ODAD2: variants seen among roughly 807,000 people sequenced by gnomAD.
The protein encoded by ODAD2 is outer dynein arm-docking complex subunit 2.
In ODAD2, 89 loss-of-function variants were observed where a neutral mutation model predicts 106.8. The ratio of observed to expected loss-of-function variants is 0.83; its 90% CI spans 0.70 to 0.99. The LOEUF (loss-of-function observed/expected upper bound fraction) is 0.99. ODAD2 is among the 50% of genes least tolerant of loss of function. The pLI is 0.00. For missense variants in ODAD2, 1,168 were observed against 1,238.5 expected, an observed-to-expected ratio of 0.94 and a Z score of 0.85; for synonymous variants, 404 against 436.2, an observed-to-expected ratio of 0.93 and a Z score of 0.92.
intron 14 of ODAD2, among the ~76,000 whole-genome samples, chr10:27,938,012 C>T (rs1846113940): frequency 1.3e-5 from 2 of 152,142 alleles, no homozygotes; most frequent in Non-Finnish European, 1.5e-5. Flanking sequence ...GGCACAATCT[C>T]AGATCACTGC....
At chr10:27,844,872 G>A (rs1368994863) in intron 19 of ODAD2, among the ~76,000 whole-genome samples, 1 of 152,214 alleles carries the variant, frequency 6.6e-6, no homozygotes, top group Non-Finnish European at 1.5e-5. Context: ...GGTGGCGAAG[G>A]AGTTGGATTT....
intron 7 of ODAD2, among the ~76,000 whole-genome samples, chr10:27,973,369 G>A (rs1242239151): frequency 2.0e-5 from 3 of 152,100 alleles, no homozygotes; most frequent in Non-Finnish European, 4.4e-5. Flanking sequence ...AGGGGTACAT[G>A]TGCAGGCTTG....
At chr10:27,952,450 A>G (rs1847419372) in intron 10 of ODAD2, among the ~76,000 whole-genome samples, 1 of 151,534 alleles carries the variant, frequency 6.6e-6, no homozygotes. Flanking sequence ...CAGGTTTGTT[A>G]CATAGGTAAA....
chr10:27,863,886 A>G (rs192142577), intron 17 of ODAD2, among the ~76,000 whole-genome samples: 31 of 152,070 alleles, frequency 2.0e-4, no homozygotes, highest in East Asian at 1.6e-3. Flanking sequence ...AGAAAGTGAG[A>G]CTTAAGAGGT....
chr10:27,906,553 C>T (rs1031996071), intron 17 of ODAD2, among the ~76,000 whole-genome samples: 23 of 152,286 alleles, frequency 1.5e-4, no homozygotes, highest in Middle Eastern at 3.4e-3. Flanking sequence ...TATAAAGACA[C>T]ATGCACACGT....
chr10:27,950,449 A>C (rs1208817834), intron 10 of ODAD2, among the ~76,000 whole-genome samples: 1 of 152,222 alleles, frequency 6.6e-6, no homozygotes, highest in East Asian at 1.9e-4. Context: ...AGAAAGAGAG[A>C]ATACTGTTTC....
chr10:27,972,086 C>T (rs923468462), intron 7 of ODAD2, among the ~76,000 whole-genome samples: 42 of 152,094 alleles, frequency 2.8e-4, no homozygotes, highest in East Asian at 1.2e-3. Context: ...ATAGTAACAA[C>T]GTTTTGAGGG....
intron 14 of ODAD2, 21 bp from the exon 15 acceptor site, chr10:27,936,901 A>C: frequency 6.3e-7 from 1 of 1,578,344 alleles, no homozygotes. Flanking sequence ...AGTCAGACAG[A>C]GGCTGTCAGT....
At chr10:27,843,263 G>A (rs534958549) in intron 19 of ODAD2, among the ~76,000 whole-genome samples, 1 of 152,300 alleles carries the variant, frequency 6.6e-6, no homozygotes, top group South Asian at 2.1e-4. Flanking sequence ...CAACAAATCT[G>A]TGCATGAAAA....
At chr10:27,863,647 G>A (rs1249051215) in intron 17 of ODAD2, among the ~76,000 whole-genome samples, 2 of 152,142 alleles carry the variant, frequency 1.3e-5, no homozygotes, top group Non-Finnish European at 2.9e-5. Context: ...GCACTGGAGG[G>A]AGGAGGAGAT....
At chr10:27,834,396 A>T (rs972145023) in intron 19 of ODAD2, among the ~76,000 whole-genome samples, 1 of 152,158 alleles carries the variant, frequency 6.6e-6, no homozygotes, top group African/African-American at 2.4e-5. Context: ...TCCCTTACAT[A>T]GGGCAAGAAA....
intron 7 of ODAD2, among the ~76,000 whole-genome samples, chr10:27,979,498 C>A (rs867893163): frequency 5.3e-5 from 8 of 151,014 alleles, no homozygotes; most frequent in Middle Eastern, 3.4e-3. Context: ...AGTGAAGTTG[C>A]GAAATTCAAT....
chr10:27,822,439 C>T (rs1836687244), intron 19 of ODAD2, among the ~76,000 whole-genome samples: 2 of 152,168 alleles, frequency 1.3e-5, no homozygotes, highest in Non-Finnish European at 2.9e-5. Flanking sequence ...CTGATTTGAA[C>T]TGGGAACCCT....
Position 27,812,200 on chromosome 10 carries a change from C to A in ODAD2, c.*312G>T. On this transcript the variant is annotated 3_prime_UTR_variant, in exon 20 of 20. Coordinates refer to ENST00000305242, the MANE Select transcript of ODAD2 (RefSeq NM_018076.5). The stretch of plus-strand genomic sequence containing the variant: ...GGCCATATCCTTTTTATTAAAATCG[C>A]CACAAATACAAAAGCATCACTGAAC... The A allele has an allele frequency of 3.4e-6, 1 of 291,656 alleles. No individual in the cohort carries two copies. Among genetic ancestry groups the A allele is most frequent in the Non-Finnish European group, 6.3e-6 (1 of 159,566 alleles). 18.1% of individuals were successfully genotyped at this position (291,656 alleles called of 1,614,324 possible).
rs560995257 is a variant in ODAD2, at chr10:27,933,343, A to G, written c.2495+1667T>C. Among the ~76,000 whole-genome samples the G allele has an allele frequency of 2.0e-5, 3 of 152,348 alleles. No homozygotes were observed. In the South Asian group the frequency reaches 6.2e-4, roughly 32 times the overall value. ...GAAAGCAAAGAAGTTAAATGGGGCC[A>G]TAAGACAAAATGCTTTGAATAGCAA... On this transcript the variant is annotated intron_variant, in intron 16 of 19. Transcript: ENST00000305242.
At chr10:27,827,876 C>G (rs1388957702) in intron 19 of ODAD2, among the ~76,000 whole-genome samples, 1 of 152,210 alleles carries the variant, frequency 6.6e-6, no homozygotes, top group Non-Finnish European at 1.5e-5. Flanking sequence ...TTGTCCCCTT[C>G]TGTTCATCTT....
chr10:27,864,266 T>A (rs1197931358), intron 17 of ODAD2, among the ~76,000 whole-genome samples: 1 of 150,980 alleles, frequency 6.6e-6, no homozygotes, highest in Admixed American at 6.7e-5. Context: ...AGGGCTAATG[T>A]TGGAAGAGCT....
chr10:27,927,391 A>G (rs1845327171), intron 16 of ODAD2, among the ~76,000 whole-genome samples: 1 of 152,166 alleles, frequency 6.6e-6, no homozygotes, highest in Non-Finnish European at 1.5e-5. Flanking sequence ...TACATAGGAG[A>G]GAGGGATTTG....
chr10:27,978,618 C>A (rs1849337709), intron 7 of ODAD2, among the ~76,000 whole-genome samples: 1 of 151,686 alleles, frequency 6.6e-6, no homozygotes, highest in Non-Finnish European at 1.5e-5. Flanking sequence ...CATGGGAAAA[C>A]CCCATCTCTA....
Sources: gnomAD v4.1 joint callset for allele counts (sites outside exome capture counted in the v4.1 genomes callset) on GRCh38, gnomAD v4.1.1 for gene constraint, MANE v1.5 for transcripts, NCBI Gene and HGNC (gene_info 2026-07-23, HGNC 2026-07-21) for gene names.